Variants in UHRF1 observed in about 807,000 individuals in gnomAD.
The protein encoded by UHRF1 is ubiquitin like with PHD and ring finger domains 1.
Under a neutral mutation model 96.5 loss-of-function variants are expected in UHRF1, and 9 were observed. That is an observed-to-expected ratio of 0.09 (90% confidence interval 0.06 to 0.16). UHRF1 has a LOEUF of 0.16. Ranked by LOEUF, UHRF1 falls within the 10% of genes least tolerant of loss-of-function variation. The pLI, the probability that UHRF1 is intolerant of heterozygous loss-of-function variation, is 1.00. For missense variants in UHRF1, 626 were observed against 1,131.1 expected (o/e 0.55, Z 6.40); for synonymous variants, 455 against 469.9 (o/e 0.97, Z 0.41).
intron 5 of UHRF1, among the ~76,000 whole-genome samples, chr19:4,936,865 C>T (rs2033231524): frequency 6.6e-6 from 1 of 151,928 alleles, no homozygotes; most frequent in African/African-American, 2.4e-5. Flanking sequence ...TCAGTTTCCC[C>T]CAGTGGTAAC....
chr19:4,951,641 C>T lies in UHRF1; in HGVS notation c.1818+645C>T, dbSNP rs560505954. On this transcript the variant is annotated intron_variant, in intron 13 of 16. Coordinates refer to ENST00000650932, the MANE Select transcript of UHRF1 (RefSeq NM_001048201.3). ...GTCTTCGTTCTGTTGGTAAAGGGAT[C>T]GCTGCAGACCAGTCAGGCATCTGGT... Among the ~76,000 whole-genome samples, 7 of 150,254 alleles carry T rather than the reference C, an allele frequency of 4.7e-5. No homozygotes were observed. In the East Asian group the frequency reaches 9.9e-4, roughly 21 times the overall value.
At chr19:4,931,914 C>T (rs529704029) in intron 4 of UHRF1, among the ~76,000 whole-genome samples, 2 of 152,320 alleles carry the variant, frequency 1.3e-5, no homozygotes, top group Admixed American at 1.3e-4. Flanking sequence ...GCGTGCACCA[C>T]TGCGCCCAGC....
upstream of UHRF1, among the ~76,000 whole-genome samples, chr19:4,906,614 A>G (rs146939173): frequency 0.015 from 2,276 of 152,202 alleles, 27 homozygotes; most frequent in Non-Finnish European, 0.024. Context: ...TTAGCCGGAC[A>G]TGGTGGTGCG....
chr19:4,906,670 T>G (rs2032070411), upstream of UHRF1, among the ~76,000 whole-genome samples: 1 of 152,072 alleles, frequency 6.6e-6, no homozygotes, highest in Admixed American at 6.6e-5. Flanking sequence ...GAAGAATTGC[T>G]TGAACCCAGG....
At chr19:4,942,419 T>C (rs904743589) in intron 7 of UHRF1, among the ~76,000 whole-genome samples, 1 of 151,910 alleles carries the variant, frequency 6.6e-6, no homozygotes, top group Non-Finnish European at 1.5e-5. Context: ...CTTGATCCCC[T>C]GACCTCGTGA....
At chr19:4,905,922 T>C (rs546640553), upstream of UHRF1, among the ~76,000 whole-genome samples, 87 of 152,336 alleles carry the variant, frequency 5.7e-4, no homozygotes, top group Non-Finnish European at 9.3e-4. Flanking sequence ...GTGAGCTTTT[T>C]TTCTGAGACG....
At chr19:4,923,626 G>A (rs1297567156) in intron 2 of UHRF1, among the ~76,000 whole-genome samples, 1 of 152,204 alleles carries the variant, frequency 6.6e-6, no homozygotes, top group East Asian at 1.9e-4. Context: ...GCCCCTCTGC[G>A]CACGTGGCCT....
At chr19:4,959,514 C>T (rs762414558) in intron 16 of UHRF1, among the ~76,000 whole-genome samples, 1 of 152,128 alleles carries the variant, frequency 6.6e-6, no homozygotes, top group Non-Finnish European at 1.5e-5. Flanking sequence ...CCCTGGCGTG[C>T]AGCCAGCCCG....
In UHRF1 at chr19:4,947,490, C is replaced by CTTTTTT. The variant is rs985069179; in HGVS notation, c.1517+303_1517+308dup. ...CTATAAAAGGCCAGATAATAGATAT[C>CTTTTTT]TTTTTTTTTTTTTTTTTTTTTTTTT... On this transcript the variant is annotated intron_variant, in intron 11 of 16. Transcript: ENST00000650932. Among the ~76,000 whole-genome samples, 125 of 57,886 alleles carry CTTTTTT rather than the reference C, an allele frequency of 2.2e-3. 21 individuals are homozygous for CTTTTTT. Among genetic ancestry groups the CTTTTTT allele is most frequent in the East Asian group, 5.8e-3 (9 of 1,564 alleles). The allele number at this position is 57,886 out of a possible 152,430, so 38.0% of individuals were successfully genotyped here. A position where few individuals can be genotyped will look rare whatever the true frequency, so the allele number is the denominator to read the frequency against.
chr19:4,939,860 T>C (rs559195910), intron 5 of UHRF1, among the ~76,000 whole-genome samples: 2 of 152,070 alleles, frequency 1.3e-5, no homozygotes, highest in African/African-American at 4.8e-5. Flanking sequence ...CCGTCTCTAC[T>C]AAAAATACAA....
chr19:4,918,913 G>C (rs943069694), intron 2 of UHRF1, among the ~76,000 whole-genome samples: 1 of 151,456 alleles, frequency 6.6e-6, no homozygotes, highest in Admixed American at 6.6e-5. Flanking sequence ...ATAGAGATGG[G>C]TTCCTGCCAT....
chr19:4,938,534 T>G (rs564373026), intron 5 of UHRF1, among the ~76,000 whole-genome samples: 1 of 151,928 alleles, frequency 6.6e-6, no homozygotes, highest in South Asian at 2.1e-4. Context: ...TTTTTGTTTG[T>G]TTGTTTGTTT....
intron 2 of UHRF1, among the ~76,000 whole-genome samples, chr19:4,923,926 T>C (rs1243990052): frequency 6.6e-6 from 1 of 152,202 alleles, no homozygotes; most frequent in Admixed American, 6.5e-5. Context: ...CCGTGTGGCT[T>C]GTCCCATGCT....
chr19:4,941,407 G>T, intron 5 of UHRF1, 121 bp from the exon 6 acceptor site: 2 of 709,758 alleles, frequency 2.8e-6, no homozygotes, highest in Non-Finnish European at 4.9e-6. Context: ...AGCTTTGATT[G>T]CTAGGGGGCG....
At chr19:4,905,237 C>G (rs1051679019), upstream of UHRF1, among the ~76,000 whole-genome samples, 4 of 150,406 alleles carry the variant, frequency 2.7e-5, no homozygotes, top group Non-Finnish European at 5.9e-5. Flanking sequence ...CTGCCTCAGC[C>G]TCCCGAGTAG....
chr19:4,954,964 C>G lies in UHRF1; in HGVS notation c.2130+142C>G, dbSNP rs901462058. On this transcript the variant is annotated intron_variant, in intron 15 of 16. Coordinates refer to ENST00000650932, the MANE Select transcript of UHRF1 (RefSeq NM_001048201.3). This position sits in a 1 kb window ranked among gnomAD's most constrained non-coding sequence, Gnocchi z 5.9. ...TCTTGTGGTTGTGCAACCATCACCA[C>G]CATCACCACCTCCAGAACTTTATCC... 1.9e-6 allele frequency: 2 copies of G among 1,026,844 alleles called. No individual in the cohort carries two copies. Among genetic ancestry groups the G allele is most frequent in the Non-Finnish European group, 2.8e-6 (2 of 702,304 alleles). The allele number at this position is 1,026,844 out of a possible 1,614,324, so 63.6% of individuals were successfully genotyped here.
In UHRF1 at chr19:4,961,626, G is replaced by C. The variant is rs1351326501; in HGVS notation, c.*823G>C. 2 of 151,094 alleles carry C rather than the reference G, an allele frequency of 1.3e-5. No homozygotes were observed. Among genetic ancestry groups the C allele is most frequent in the African/African-American group, 4.8e-5 (2 of 41,260 alleles). The allele number at this position is 151,094 out of a possible 1,614,324, so 9.4% of individuals were successfully genotyped here. A position where few individuals can be genotyped will look rare whatever the true frequency, so the allele number is the denominator to read the frequency against. On this transcript the variant is annotated 3_prime_UTR_variant, in exon 17 of 17. Transcript: ENST00000650932. ...GACGACAGTCTTTGTTGTTAGCACT[G>C]AATTATTGAAAATGTCAACCAGATT...
At chr19:4,919,364 G>C (rs1018405014) in intron 2 of UHRF1, among the ~76,000 whole-genome samples, 2 of 151,534 alleles carry the variant, frequency 1.3e-5, no homozygotes, top group African/African-American at 2.4e-5. Context: ...GTGCAGTGGC[G>C]TGGTCTTGGC....
At chr19:4,933,168 C>G (rs2033110435) in intron 5 of UHRF1, among the ~76,000 whole-genome samples, 1 of 152,208 alleles carries the variant, frequency 6.6e-6, no homozygotes, top group African/African-American at 2.4e-5. Context: ...GTGCCTCTGC[C>G]CAGGGAACTG....
Sources: allele counts gnomAD v4.1 joint callset (sites outside exome capture counted in the v4.1 genomes callset), GRCh38; gene constraint gnomAD v4.1.1; non-coding constraint Gnocchi (gnomAD v3.1); transcripts MANE v1.5; gene names NCBI Gene and HGNC (gene_info 2026-07-23, HGNC 2026-07-21).